The following MPZL1 variants were observed in gnomAD, a reference collection of about 807,000 sequenced individuals.
The protein encoded by MPZL1 is myelin protein zero-like protein 1.
A neutral mutation model predicts 29.3 loss-of-function variants in MPZL1; 16 were observed. The observed-to-expected ratio is 0.55, with a 90% CI of 0.37 to 0.83. The LOEUF is 0.83. MPZL1 is among the 40% of genes least tolerant of loss of function. The probability of loss-of-function intolerance (pLI) is 0.00; values close to 1 mark genes in which losing one functional copy is unlikely to be tolerated. For synonymous variants in MPZL1, 143 were observed against 132.0 expected, an observed-to-expected ratio of 1.08 and a Z score of -0.57; for missense variants, 279 against 332.9, an observed-to-expected ratio of 0.84 and a Z score of 1.26.
chr1:167,755,359 G>C (rs1246899028), intron 1 of MPZL1, among the ~76,000 whole-genome samples: 1 of 152,122 alleles, frequency 6.6e-6, no homozygotes, highest in East Asian at 1.9e-4. Flanking sequence ...AACCTGATAA[G>C]ATTTGAGAGC....
Position 167,762,553 on chromosome 1 carries a change from C to T in MPZL1, c.92-3030C>T, listed in dbSNP as rs1661011045. The stretch of plus-strand genomic sequence containing the variant: ...TTGCCTTACTTGAACACAATTTGAA[C>T]AGTTGGCTACATTTGATTGGCCAAA... On this transcript the variant is annotated intron_variant, in intron 1 of 5. Coordinates refer to ENST00000359523, the MANE Select transcript of MPZL1 (RefSeq NM_003953.6). Among the ~76,000 whole-genome samples, 3 of 152,346 alleles carry T rather than the reference C, an allele frequency of 2.0e-5. No individual in the cohort carries two copies. The South Asian group carries it at 6.2e-4, about 32-fold the overall frequency.
At position 167,769,496 on chromosome 1, in the gene MPZL1, A is replaced by G. The variant is rs1297641562; in HGVS notation, c.259-2779A>G. Among the ~76,000 whole-genome samples the G allele has an allele frequency of 2.6e-5, 4 of 152,234 alleles. No homozygotes were observed. In the East Asian group the frequency reaches 5.8e-4, roughly 22 times the overall value. On this transcript the variant is annotated intron_variant, in intron 2 of 5. Transcript: ENST00000359523. Reference sequence around the variant, plus strand: ...ATGTGAGCCCCTCCATGTCATGGCTATGGGACTTGCGGGGCAAGAGAAACA... The same window carrying G: ...ATGTGAGCCCCTCCATGTCATGGCTGTGGGACTTGCGGGGCAAGAGAAACA...
chr1:167,743,351 C>T (rs936102145), intron 1 of MPZL1, among the ~76,000 whole-genome samples: 9 of 151,920 alleles, frequency 5.9e-5, no homozygotes, highest in African/African-American at 2.2e-4. Flanking sequence ...GCTGGGACTA[C>T]AGGCGCACAT....
At chr1:167,742,909 G>A (rs1276849707) in intron 1 of MPZL1, among the ~76,000 whole-genome samples, 1 of 152,010 alleles carries the variant, frequency 6.6e-6, no homozygotes, top group Middle Eastern at 3.2e-3. Flanking sequence ...CCCACTTGAT[G>A]TTTTTGTTTG....
intron 1 of MPZL1, among the ~76,000 whole-genome samples, chr1:167,743,806 G>A (rs1223227850): frequency 6.6e-6 from 1 of 152,024 alleles, no homozygotes; most frequent in Non-Finnish European, 1.5e-5. Context: ...GAGCTTTCTG[G>A]AGGAGTCTTT....
chr1:167,733,605 C>T (rs1175843067), intron 1 of MPZL1, among the ~76,000 whole-genome samples: 2 of 151,960 alleles, frequency 1.3e-5, no homozygotes, highest in Non-Finnish European at 2.9e-5. Flanking sequence ...ATTAGCTGGG[C>T]GTGATGATGC....
intron 1 of MPZL1, among the ~76,000 whole-genome samples, chr1:167,754,236 C>A (rs1660821502): frequency 6.6e-6 from 1 of 150,944 alleles, no homozygotes; most frequent in Non-Finnish European, 1.5e-5. Flanking sequence ...TGAGCTCAAG[C>A]GATCCACCCA....
At chr1:167,723,113 G>T (rs747931400) in intron 1 of MPZL1, among the ~76,000 whole-genome samples, 1 of 152,206 alleles carries the variant, frequency 6.6e-6, no homozygotes, top group Non-Finnish European at 1.5e-5. Flanking sequence ...TTTCTGTGTT[G>T]TTGTTCAAAG....
chr1:167,735,541 A>G (rs1660360221), intron 1 of MPZL1, among the ~76,000 whole-genome samples: 1 of 152,162 alleles, frequency 6.6e-6, no homozygotes, highest in South Asian at 2.1e-4. Flanking sequence ...ATATAGATAG[A>G]TAACCTATCT....
rs559804149 is a variant in MPZL1, at chr1:167,723,342, CTG to C, written c.91+1102_91+1103del. On this transcript the variant is annotated intron_variant, in intron 1 of 5. Coordinates refer to ENST00000359523, the MANE Select transcript of MPZL1 (RefSeq NM_003953.6). ...TGGATCAGGGAAACTAGGTGAAGTT[CTG>C]TTGGATCACCAACTGTTCCACTTAA... 7.9e-5 allele frequency among the ~76,000 whole-genome samples: 12 copies of C among 152,354 alleles called. No homozygotes were observed. The South Asian group carries it at 2.3e-3, about 29-fold the overall frequency.
intron 3 of MPZL1, among the ~76,000 whole-genome samples, chr1:167,772,949 T>C (rs1418024976): frequency 6.6e-6 from 1 of 152,324 alleles, no homozygotes; most frequent in African/African-American, 2.4e-5. Flanking sequence ...AAGTCTGTTT[T>C]GTTGGAGAGT....
At chr1:167,755,955 C>T (rs1660860943) in intron 1 of MPZL1, among the ~76,000 whole-genome samples, 1 of 152,086 alleles carries the variant, frequency 6.6e-6, no homozygotes, top group African/African-American at 2.4e-5. Flanking sequence ...GAAGAAATCC[C>T]AGGGCTTTAG....
chr1:167,785,657 G>C (rs1661576564), intron 5 of MPZL1, among the ~76,000 whole-genome samples: 1 of 152,214 alleles, frequency 6.6e-6, no homozygotes, highest in Non-Finnish European at 1.5e-5. Flanking sequence ...AACTCTTAGT[G>C]AGTTTTTAGG....
At chr1:167,739,312 C>CATATATATATATATATATATATATGTAT (rs1346286313) in intron 1 of MPZL1, among the ~76,000 whole-genome samples, 1 of 82,076 alleles carries the variant, frequency 1.2e-5, no homozygotes, top group African/African-American at 6.3e-5. Flanking sequence ...TATATATACA[C>CATATATATATATATATATATATATGTAT]ATATATATAT....
At chr1:167,727,641 TG>T (rs35939212) in intron 1 of MPZL1, among the ~76,000 whole-genome samples, 27,623 of 152,114 alleles carry the variant, frequency 0.18, 3,061 homozygotes, top group Non-Finnish European at 0.25. Flanking sequence ...GTATCTTGAA[TG>T]ATATTCCTTT....
intron 5 of MPZL1, among the ~76,000 whole-genome samples, chr1:167,779,006 C>T (rs1317400194): frequency 6.6e-6 from 1 of 151,984 alleles, no homozygotes; most frequent in Non-Finnish European, 1.5e-5. Context: ...CCTGTAGTCC[C>T]AGTTACTCAG....
intron 1 of MPZL1, among the ~76,000 whole-genome samples, chr1:167,748,432 A>G (rs1185709097): frequency 6.6e-6 from 1 of 152,174 alleles, no homozygotes; most frequent in Non-Finnish European, 1.5e-5. Flanking sequence ...TTGGCTATGT[A>G]TGTCTTTGGA....
chr1:167,728,318 C>T lies in MPZL1; in HGVS notation c.91+6076C>T, dbSNP rs371014781. Among the ~76,000 whole-genome samples the T allele has an allele frequency of 5.0e-4, 75 of 150,970 alleles. 1 individual carries two copies. The highest frequency in any genetic ancestry group is 1.7e-3 in the African/African-American group (70 of 41,200). ...TGCTGGGATTACAGGCGTGAGCCAC[C>T]GTGCCCTGCCCAAATTTTTTTTCTT... is the stretch of plus-strand genomic sequence containing the variant. On this transcript the variant is annotated intron_variant, in intron 1 of 5. Transcript: ENST00000359523.
At chr1:167,784,595 C>T (rs572093156) in intron 5 of MPZL1, among the ~76,000 whole-genome samples, 25 of 152,296 alleles carry the variant, frequency 1.6e-4, no homozygotes, top group African/African-American at 5.5e-4. Context: ...AGACTCAGGG[C>T]TCCTTCCACC....
Sources: gnomAD v4.1 joint callset for allele counts (sites outside exome capture counted in the v4.1 genomes callset) on GRCh38, gnomAD v4.1.1 for gene constraint, MANE v1.5 for transcripts, NCBI Gene and HGNC (gene_info 2026-07-23, HGNC 2026-07-21) for gene names.